DNAAF1: variants seen among roughly 807,000 people sequenced by gnomAD.
DNAAF1 encodes the protein dynein axonemal assembly factor 1, also known as dynein assembly factor 1, axonemal.
Under a neutral mutation model 71.1 loss-of-function variants are expected in DNAAF1, and 65 were observed. The ratio of observed to expected loss-of-function variants is 0.91; its 90% confidence interval spans 0.75 to 1.12. The LOEUF is 1.12. DNAAF1 is among the 50% of genes most tolerant of loss of function. The probability of loss-of-function intolerance (pLI) is 0.00; values close to 1 mark genes in which losing one functional copy is unlikely to be tolerated. For synonymous variants in DNAAF1, 414 were observed against 354.6 expected, an observed-to-expected ratio of 1.17 and a Z score of -1.88; for missense variants, 1,178 against 899.8, an observed-to-expected ratio of 1.31 and a Z score of -3.96.
rs2087333418 is a variant in DNAAF1 at position 84,154,791 on chromosome 16, A to G, written c.567A>G (p.Glu189=). 6.2e-7 allele frequency: 1 copy of G among 1,613,360 alleles called. No homozygotes were observed. The highest frequency in any genetic ancestry group is 8.5e-7 in the Non-Finnish European group (1 of 1,179,382). The change falls in exon 4 of 12, where the codon GAA becomes GAG. Residue 189 remains glutamate, a synonymous_variant. Transcript: ENST00000378553. ...NLSNNYIKTI[E]NLSCLPVLNT... The stretch of plus-strand genomic sequence containing the variant: ...GCAACAATTACATCAAGACCATTGA[A>G]AACCTCTGTAAGGGTACCCAGCAAG...
Position 84,169,976 on chromosome 16 carries a change from T to C in DNAAF1, c.1148T>C (p.Phe383Ser). 4 of 1,614,066 alleles carry C rather than the reference T, an allele frequency of 2.5e-6. No individual in the cohort carries two copies. In the Middle Eastern group the frequency reaches 6.7e-4, roughly 272 times the overall value. ...ATGGAGCTATTTGTTAAGGAAAGCT[T>C]TGAGGCCAAGGACGAGCTCTGCCCG... is the stretch of plus-strand genomic sequence containing the variant. The part of the protein sequence containing the change: ...QKMELFVKES[F>S]EAKDELCPEK... The change falls in exon 8 of 12, where the codon TTT becomes TCT. Residue 383 changes from phenylalanine (F) to serine (S), a missense_variant. By Grantham distance (155) the Phe-to-Ser change is radical. Transcript: ENST00000378553.
Position 84,165,573 on chromosome 16 carries a change from CTT to C in DNAAF1, c.864-209_864-208del, listed in dbSNP as rs535626717. On this transcript the variant is annotated intron_variant, in intron 6 of 11. Coordinates refer to ENST00000378553, the MANE Select transcript of DNAAF1 (RefSeq NM_178452.6). ...GGAGTCCGATTTCTCTATTTTTTCT[CTT>C]GTCACTTGTGCTTTTGGTGCCACAT... 3.3e-5 allele frequency among the ~76,000 whole-genome samples: 5 copies of C among 152,174 alleles called. No homozygotes were observed. The South Asian group carries it at 1.0e-3, about 32-fold the overall frequency.
chr16:84,157,468 G>A (rs1316871964), intron 5 of DNAAF1, among the ~76,000 whole-genome samples: 2 of 141,844 alleles, frequency 1.4e-5, no homozygotes, highest in South Asian at 2.3e-4. Flanking sequence ...GCAGTGAGCC[G>A]AGATCTCACC....
chr16:84,174,689 T>A lies in DNAAF1; in HGVS notation c.1665T>A (p.Asp555Glu), dbSNP rs576928019. The change falls in exon 10 of 12, where the codon GAT becomes GAA. Residue 555 changes from aspartate (D) to glutamate (E), a missense_variant. By Grantham distance (45) the Asp-to-Glu change is conservative. Coordinates refer to ENST00000378553, the MANE Select transcript of DNAAF1 (RefSeq NM_178452.6). ...TTCAGGACCTACCTGACTTGGAAGA[T>A]GATGATGAAACAGGCAAATCTCTGG... is the stretch of plus-strand genomic sequence containing the variant. The part of the protein sequence containing the change: ...FCIDDLPDLE[D>E]DDETGKSLED... 13 of 1,614,010 alleles carry A rather than the reference T, an allele frequency of 8.1e-6. No homozygotes were observed. Among genetic ancestry groups the A allele is most frequent in the South Asian group, 5.5e-5 (5 of 91,076 alleles).
At chr16:84,165,760 A>C in intron 6 of DNAAF1, 23 bp from the exon 7 acceptor site, 2 of 1,609,280 alleles carry the variant, frequency 1.2e-6, no homozygotes, top group Middle Eastern at 1.8e-4. Flanking sequence ...TCCCCTATTT[A>C]TGTTTCTTTG....
intron 6 of DNAAF1, among the ~76,000 whole-genome samples, chr16:84,160,849 A>G (rs1239448857): frequency 1.3e-5 from 2 of 151,672 alleles, no homozygotes; most frequent in African/African-American, 4.8e-5. Flanking sequence ...GAGGAGGAGA[A>G]TGGCATAAAC....
Position 84,155,859 on chromosome 16 carries a change from C to T in DNAAF1, c.741+110C>T, listed in dbSNP as rs551810110. The T allele has an allele frequency of 1.9e-5, 25 of 1,339,670 alleles. No individual in the cohort carries two copies. The Admixed American group carries it at 2.6e-4, about 14-fold the overall frequency. 83.0% of individuals were successfully genotyped at this position (1,339,670 alleles called of 1,614,324 possible). A position where few individuals can be genotyped will look rare whatever the true frequency, so the allele number is the denominator to read the frequency against. On this transcript the variant is annotated intron_variant, in intron 5 of 11. Coordinates refer to ENST00000378553, the MANE Select transcript of DNAAF1 (RefSeq NM_178452.6). ...TTTCTCTCCTTCCTGCCTTCCTTCC[C>T]TTTTTCACACTTTTTTCCTCTTTGT...
At chr16:84,147,837 G>A (rs984129427) in intron 1 of DNAAF1, among the ~76,000 whole-genome samples, 33 of 152,196 alleles carry the variant, frequency 2.2e-4, no homozygotes, top group African/African-American at 6.5e-4. Flanking sequence ...AGGCCAAGGC[G>A]GGTGGGTCAC....
chr16:84,148,040 C>G (rs1043470772), intron 1 of DNAAF1, among the ~76,000 whole-genome samples: 1 of 152,036 alleles, frequency 6.6e-6, no homozygotes, highest in Non-Finnish European at 1.5e-5. Context: ...TGCACTCCAA[C>G]CTGGGGGATA....
intron 6 of DNAAF1, among the ~76,000 whole-genome samples, chr16:84,160,709 C>A (rs1005688313): frequency 6.6e-6 from 1 of 151,328 alleles, no homozygotes; most frequent in Non-Finnish European, 1.5e-5. Context: ...CCAAGGCGGG[C>A]GGATCACGAG....
At chr16:84,146,594 G>A (rs576422709) in intron 1 of DNAAF1, among the ~76,000 whole-genome samples, 2 of 152,250 alleles carry the variant, frequency 1.3e-5, no homozygotes, top group South Asian at 2.1e-4. Context: ...ACGTGCTCCT[G>A]TAATTCCACT....
chr16:84,158,066 G>A (rs1243451227), intron 5 of DNAAF1, among the ~76,000 whole-genome samples: 6 of 152,160 alleles, frequency 3.9e-5, no homozygotes, highest in South Asian at 2.1e-4. Context: ...TTAGCCGGGC[G>A]TGGTGGCATG....
chr16:84,159,051 T>C (rs1442271220), intron 5 of DNAAF1: 2 of 988,026 alleles, frequency 2.0e-6, no homozygotes, highest in Non-Finnish European at 2.4e-6. Flanking sequence ...TTAAACTTCT[T>C]TGAGTTTCTT....
chr16:84,174,194 T>C (rs1478993644), intron 9 of DNAAF1: 1 of 1,009,776 alleles, frequency 9.9e-7, no homozygotes. Context: ...CTATGCTGCC[T>C]CCCCAACCAC....
At chr16:84,152,680 G>A (rs567922248) in intron 3 of DNAAF1, among the ~76,000 whole-genome samples, 27 of 150,902 alleles carry the variant, frequency 1.8e-4, no homozygotes, top group Admixed American at 1.4e-3. Flanking sequence ...TTGGCTGGGC[G>A]CGGTGGCTCA....
At position 84,169,707 on chromosome 16, in the gene DNAAF1, C is replaced by T. The variant is rs1014117079; in HGVS notation, c.1031-152C>T. 4 of 1,095,880 alleles carry T rather than the reference C, an allele frequency of 3.7e-6. No homozygotes were observed. In the African/African-American group the frequency reaches 6.2e-5, roughly 17 times the overall value. The allele number at this position is 1,095,880 out of a possible 1,614,324, so 67.9% of individuals were successfully genotyped here. On this transcript the variant is annotated intron_variant, in intron 7 of 11. Coordinates refer to ENST00000378553, the MANE Select transcript of DNAAF1 (RefSeq NM_178452.6). ...AAGTGCTGGGATTACAGGCACGAGCCACCGCGCCCAGCCCCTTGAGGACAC... is the reference window on the plus strand; with the variant it reads ...AAGTGCTGGGATTACAGGCACGAGCTACCGCGCCCAGCCCCTTGAGGACAC...
intron 3 of DNAAF1, among the ~76,000 whole-genome samples, chr16:84,154,016 G>C (rs1185134599): frequency 1.3e-5 from 2 of 152,210 alleles, no homozygotes; most frequent in East Asian, 3.9e-4. Context: ...CCCCGAATGA[G>C]TCACCGTGAC....
In DNAAF1 at chr16:84,165,977, C is replaced by T. The variant is rs1195434018; in HGVS notation, c.1030+28C>T. ...ATGCGCTCGGCCGAAGACAACAGCCCCAGAGTTCCTTTGAGATTAGGCAAG... is the reference window on the plus strand; with the variant it reads ...ATGCGCTCGGCCGAAGACAACAGCCTCAGAGTTCCTTTGAGATTAGGCAAG... On this transcript the variant is annotated intron_variant, in intron 7 of 11. Coordinates refer to ENST00000378553, the MANE Select transcript of DNAAF1 (RefSeq NM_178452.6). The T allele has an allele frequency of 2.5e-6, 4 of 1,611,930 alleles. No individual in the cohort carries two copies. The East Asian group carries it at 8.9e-5, about 36-fold the overall frequency.
At chr16:84,150,685 T>A (rs1443658036) in intron 3 of DNAAF1, among the ~76,000 whole-genome samples, 2 of 150,858 alleles carry the variant, frequency 1.3e-5, no homozygotes, top group East Asian at 3.9e-4. Flanking sequence ...GTGCAATCTC[T>A]GCTCACTGCA....
Sources: allele counts gnomAD v4.1 joint callset (sites outside exome capture counted in the v4.1 genomes callset), GRCh38; gene constraint gnomAD v4.1.1; transcripts MANE v1.5; gene names NCBI Gene and HGNC (gene_info 2026-07-23, HGNC 2026-07-21).